CLYBL: variants seen among roughly 807,000 people sequenced by gnomAD.
CLYBL encodes the protein citramalyl-CoA lyase, mitochondrial.
Under a neutral mutation model 38.9 loss-of-function variants are expected in CLYBL, and 31 were observed. That is an observed-to-expected ratio of 0.80 (90% CI 0.60 to 1.08). The LOEUF is 1.08. CLYBL is among the 50% of genes least tolerant of loss of function. The pLI, the probability that CLYBL is intolerant of heterozygous loss-of-function variation, is 0.00. For synonymous variants in CLYBL, 171 were observed against 158.6 expected (o/e 1.08, Z -0.59); for missense variants, 434 against 411.6 (o/e 1.05, Z -0.47).
intron 1 of CLYBL, among the ~76,000 whole-genome samples, chr13:99,607,909 A>G (rs2046554086): frequency 6.6e-6 from 1 of 151,690 alleles, no homozygotes; most frequent in Non-Finnish European, 1.5e-5. Context: ...ACCCCTGGCT[A>G]ATTTTTGTAT....
intron 7 of CLYBL, among the ~76,000 whole-genome samples, chr13:99,887,434 T>C (rs1229263396): frequency 6.6e-6 from 1 of 152,164 alleles, no homozygotes; most frequent in Non-Finnish European, 1.5e-5. Context: ...TCCTCAGTTA[T>C]TAAAAGGGGA....
chr13:99,662,167 T>C (rs941007624), intron 1 of CLYBL, among the ~76,000 whole-genome samples: 15 of 152,240 alleles, frequency 9.9e-5, no homozygotes, highest in African/African-American at 3.6e-4. Context: ...TGTCGTTTAC[T>C]TTGTGATGCT....
At chr13:99,826,137 G>A (rs961359239) in intron 2 of CLYBL, among the ~76,000 whole-genome samples, 2 of 152,126 alleles carry the variant, frequency 1.3e-5, no homozygotes, top group African/African-American at 2.4e-5. Flanking sequence ...TATAGTACCC[G>A]GTTATTTAAT....
intron 1 of CLYBL, among the ~76,000 whole-genome samples, chr13:99,735,246 T>C (rs1186729265): frequency 6.6e-6 from 1 of 152,240 alleles, no homozygotes; most frequent in Non-Finnish European, 1.5e-5. Context: ...TAAACTGAAG[T>C]GCAGTGGTGT....
intron 1 of CLYBL, among the ~76,000 whole-genome samples, chr13:99,632,207 T>G (rs60721376): frequency 0.15 from 22,366 of 152,152 alleles, 1,947 homozygotes; most frequent in African/African-American, 0.24. Context: ...CATATGAAAT[T>G]GCACAAATCC....
At chr13:99,867,504 C>G (rs2051777852) in intron 6 of CLYBL, among the ~76,000 whole-genome samples, 1 of 151,870 alleles carries the variant, frequency 6.6e-6, no homozygotes, top group Non-Finnish European at 1.5e-5. Context: ...ATATGACCCC[C>G]CCCAATTTTT....
At chr13:99,668,747 GGCTTCTGGGATGCCAA>G (rs897501665) in intron 1 of CLYBL, among the ~76,000 whole-genome samples, 51 of 152,248 alleles carry the variant, frequency 3.3e-4, no homozygotes, top group African/African-American at 1.1e-3. Flanking sequence ...CAGCCTGCCG[GGCTTCTGGGATGCCAA>G]GCTGGGGGTG....
chr13:99,743,966 C>CTTTTTTTTTTTTT (rs1162079530), intron 1 of CLYBL, among the ~76,000 whole-genome samples: 7 of 69,182 alleles, frequency 1.0e-4, no homozygotes, highest in African/African-American at 1.2e-4. Flanking sequence ...TCTCTTCTTT[C>CTTTTTTTTTTTTT]TTTTTTTTTT....
chr13:99,632,956 A>G (rs1278394447), intron 1 of CLYBL, among the ~76,000 whole-genome samples: 1 of 151,828 alleles, frequency 6.6e-6, no homozygotes, highest in Admixed American at 6.6e-5. Context: ...AATAGTAGCT[A>G]TGGGCCAGGT....
At chr13:99,864,341 T>C (rs1271009952) in intron 4 of CLYBL, among the ~76,000 whole-genome samples, 1 of 152,228 alleles carries the variant, frequency 6.6e-6, no homozygotes, top group Non-Finnish European at 1.5e-5. Flanking sequence ...GGATGACTTG[T>C]TGCATTTTTA....
intron 2 of CLYBL, among the ~76,000 whole-genome samples, chr13:99,811,086 G>T (rs2050332392): frequency 6.6e-6 from 1 of 152,084 alleles, no homozygotes; most frequent in Admixed American, 6.5e-5. Context: ...ATACCTCCAG[G>T]CCCATTAGAA....
chr13:99,809,679 C>T (rs1473400709), intron 2 of CLYBL, among the ~76,000 whole-genome samples: 1 of 152,256 alleles, frequency 6.6e-6, no homozygotes, highest in East Asian at 1.9e-4. Flanking sequence ...TATGCCCTTC[C>T]ATCGAGGGTG....
At chr13:99,844,429 G>C (rs149108626) in intron 2 of CLYBL, among the ~76,000 whole-genome samples, 1 of 152,328 alleles carries the variant, frequency 6.6e-6, no homozygotes, top group East Asian at 1.9e-4. Context: ...TCGTTATCAG[G>C]TGATTTTGAA....
chr13:99,677,346 G>C lies in CLYBL; in HGVS notation c.62+70589G>C, dbSNP rs78776551. Among the ~76,000 whole-genome samples the C allele has an allele frequency of 2.5e-3, 382 of 152,028 alleles. 3 individuals are homozygous for C. The highest frequency in any genetic ancestry group is 8.7e-3 in the African/African-American group (359 of 41,466). The stretch of plus-strand genomic sequence containing the variant: ...GACTTTGAGAGAGGAAAAAAAAAAA[G>C]CTTGTAATTGCCGATCACTCCTTAG... On this transcript the variant is annotated intron_variant, in intron 1 of 8. Transcript: ENST00000339105.
chr13:99,621,518 C>T (rs71439613), intron 1 of CLYBL, among the ~76,000 whole-genome samples: 1 of 152,182 alleles, frequency 6.6e-6, no homozygotes, highest in Non-Finnish European at 1.5e-5. Context: ...TTTGATGCCT[C>T]CTCTCCTCTC....
chr13:99,690,460 G>A (rs1003463224), intron 1 of CLYBL: 1 of 151,336 alleles, frequency 6.6e-6, no homozygotes, highest in African/African-American at 2.4e-5. Flanking sequence ...CAGCAAACAC[G>A]GGCTTTTTTG....
chr13:99,834,306 A>G (rs1054281254), intron 2 of CLYBL, among the ~76,000 whole-genome samples: 1 of 152,182 alleles, frequency 6.6e-6, no homozygotes, highest in Non-Finnish European at 1.5e-5. Context: ...TGCTTATGCC[A>G]GGACTCCTGG....
At chr13:99,880,044 G>A (rs1260698640) in intron 7 of CLYBL, among the ~76,000 whole-genome samples, 1 of 84,208 alleles carries the variant, frequency 1.2e-5, no homozygotes, top group Non-Finnish European at 2.5e-5. Context: ...CCATATATGT[G>A]TGTATGTATA....
intron 1 of CLYBL, among the ~76,000 whole-genome samples, chr13:99,667,438 T>A (rs1050717173): frequency 6.0e-5 from 1 of 16,648 alleles, no homozygotes; most frequent in Non-Finnish European, 3.0e-4. Flanking sequence ...TCTTGCTTTT[T>A]TTTTTTTTTT....
Sources: allele counts gnomAD v4.1 joint callset (sites outside exome capture counted in the v4.1 genomes callset), GRCh38; gene constraint gnomAD v4.1.1; transcripts MANE v1.5; gene names NCBI Gene and HGNC (gene_info 2026-07-23, HGNC 2026-07-21).